C5: variants seen among roughly 807,000 people sequenced by gnomAD.
C5 encodes C3 and PZP-like alpha-2-macroglobulin domain-containing protein 4.
Under a neutral mutation model 218.8 loss-of-function variants are expected in C5, and 140 were observed. That is an observed-to-expected ratio of 0.64 (90% CI 0.56 to 0.74). C5 has a LOEUF of 0.74. C5 is among the 30% of genes least tolerant of loss of function. The pLI is 0.00. For synonymous variants in C5, 614 were observed against 682.3 expected (o/e 0.90, Z 1.56); for missense variants, 1,700 against 1,969.6 (o/e 0.86, Z 2.59).
Position 120,980,105 on chromosome 9 carries a change from C to T in C5, c.3636G>A (p.Leu1212=). The part of the protein sequence containing the change: ...HPQFRSIVSA[L]KREALVKGNP... Reference sequence around the variant, plus strand: ...TACCTTTAACCAAAGCTTCTCTCTTCAAAGCTGAAACAATTGAACGAAACT... The same window carrying T: ...TACCTTTAACCAAAGCTTCTCTCTTTAAAGCTGAAACAATTGAACGAAACT... Residue 1212 remains leucine (L), a synonymous_variant, in exon 28 of 41, where the codon TTG becomes TTA. Coordinates refer to ENST00000223642, the MANE Select transcript of C5 (RefSeq NM_001735.3). The T allele has an allele frequency of 6.2e-7, 1 of 1,614,138 alleles. No individual in the cohort carries two copies. The highest frequency in any genetic ancestry group is 8.5e-7 in the Non-Finnish European group (1 of 1,180,030).
intron 21 of C5, 71 bp from the exon 22 acceptor site, chr9:120,996,371 T>C: frequency 7.6e-7 from 1 of 1,322,698 alleles, no homozygotes; most frequent in Non-Finnish European, 1.1e-6. Flanking sequence ...GGATCAACTT[T>C]TCTGGACCAC....
At chr9:121,066,732 C>G in the C5 span, among the ~76,000 whole-genome samples, 19,038 of 151,530 alleles carry the variant, frequency 0.13, 1,630 homozygotes, top group African/African-American at 0.24. Flanking sequence ...TGCCTGTAAT[C>G]CCAGCTACTC....
At chr9:121,026,914 G>A (rs927947391) in intron 8 of C5, among the ~76,000 whole-genome samples, 1 of 152,156 alleles carries the variant, frequency 6.6e-6, no homozygotes, top group African/African-American at 2.4e-5. Context: ...ACTTTGGTCA[G>A]TTAGAGAAAT....
intron 28 of C5, chr9:120,979,800 G>A (rs757443829): frequency 7.8e-6 from 3 of 386,716 alleles, no homozygotes; most frequent in Non-Finnish European, 1.5e-5. Context: ...GATCACTTGA[G>A]CCCAGGAGAT....
intron 39 of C5, 37 bp from the exon 40 acceptor site, chr9:120,953,905 C>T (rs760598452): frequency 6.2e-7 from 1 of 1,610,242 alleles, no homozygotes; most frequent in East Asian, 2.2e-5. Context: ...TTATACCATT[C>T]ATGTTTTAAT....
At chr9:121,023,110 T>C (rs1030305929) in intron 10 of C5, among the ~76,000 whole-genome samples, 1 of 152,242 alleles carries the variant, frequency 6.6e-6, no homozygotes, top group East Asian at 1.9e-4. Context: ...TAGAGTCTTA[T>C]GAGATTTTAT....
intron 22 of C5, among the ~76,000 whole-genome samples, chr9:120,993,870 T>C (rs1369766565): frequency 6.6e-6 from 1 of 152,196 alleles, no homozygotes; most frequent in East Asian, 1.9e-4. Flanking sequence ...CAAACACATT[T>C]GAGTGGGTAC....
At chr9:121,004,615 A>G (rs1319941238) in intron 20 of C5, among the ~76,000 whole-genome samples, 2 of 152,186 alleles carry the variant, frequency 1.3e-5, no homozygotes, top group Non-Finnish European at 2.9e-5. Flanking sequence ...TCTACTAAAA[A>G]TACAAAAATT....
intron 4 of C5, among the ~76,000 whole-genome samples, chr9:121,037,463 G>C (rs1294670649): frequency 6.6e-6 from 1 of 151,862 alleles, no homozygotes; most frequent in Non-Finnish European, 1.5e-5. Flanking sequence ...ACAGGCGCCT[G>C]CCACTGCACC....
intron 5 of C5, among the ~76,000 whole-genome samples, chr9:121,034,433 C>G (rs996992952): frequency 6.6e-6 from 1 of 152,096 alleles, no homozygotes; most frequent in African/African-American, 2.4e-5. Context: ...GGTAGTTTAT[C>G]CAGGCAAAAA....
chr9:120,971,869 T>G, intron 31 of C5, 61 bp downstream of exon 31: 1 of 1,329,300 alleles, frequency 7.5e-7, no homozygotes, highest in Non-Finnish European at 1.1e-6. Context: ...GCTCCTAACT[T>G]TTATGTTACC....
chr9:121,049,065 TG>T (rs2047652253), intron 1 of C5, among the ~76,000 whole-genome samples: 1 of 152,354 alleles, frequency 6.6e-6, no homozygotes, highest in Admixed American at 6.5e-5. Flanking sequence ...TCTTACCGTT[TG>T]CTATATCTGC....
intron 16 of C5, 27 bp from the exon 17 acceptor site, chr9:121,014,097 T>C (rs1182932231): frequency 6.3e-7 from 1 of 1,590,536 alleles, no homozygotes; most frequent in South Asian, 1.1e-5. Flanking sequence ...GCAAGTGCTC[T>C]TGATGACGCA....
In C5 at chr9:120,996,292, AC is replaced by A; in HGVS notation, c.2798del (p.Gly933ValfsTer33). ...CACCAGAATAGCTTTCCCTTTTGACACCTTCTGGCTAAAATAAAGGCAGAAA... is the reference window on the plus strand; with the variant it reads ...CACCAGAATAGCTTTCCCTTTTGACACTTCTGGCTAAAATAAAGGCAGAAA... ...LVKTLRVVPEGVKRESYSGVT... is the reference protein window; with the variant it reads ...LVKTLRVVPEXVKRESYSGVT... On this transcript the variant is annotated frameshift_variant, in exon 22 of 41. Transcript: ENST00000223642. LOFTEE classifies it high-confidence loss of function. 1 of 1,612,284 alleles carries A rather than the reference AC, an allele frequency of 6.2e-7. No individual in the cohort carries two copies. Among genetic ancestry groups the A allele is most frequent in the Non-Finnish European group, 8.5e-7 (1 of 1,178,406 alleles).
At chr9:120,994,020 C>T (rs934093019) in intron 22 of C5, among the ~76,000 whole-genome samples, 1 of 151,928 alleles carries the variant, frequency 6.6e-6, no homozygotes, top group Non-Finnish European at 1.5e-5. Flanking sequence ...AGATATGAGA[C>T]GAGTTGGGAG....
chr9:121,023,613 T>C, intron 9 of C5, 94 bp from the exon 10 acceptor site: 2 of 777,650 alleles, frequency 2.6e-6, no homozygotes, highest in Non-Finnish European at 4.7e-6. Context: ...CACAGACTTA[T>C]TCATTCACTC....
chr9:121,055,747 T>C, the C5 span, among the ~76,000 whole-genome samples: 1 of 152,104 alleles, frequency 6.6e-6, no homozygotes, highest in African/African-American at 2.4e-5. Flanking sequence ...AACCAGGCAG[T>C]AGTGGCTGCA....
At chr9:121,068,713 AAC>A in the C5 span, among the ~76,000 whole-genome samples, 1 of 152,218 alleles carries the variant, frequency 6.6e-6, no homozygotes, top group South Asian at 2.1e-4. Context: ...GCATCACACT[AAC>A]AGTCTTCAAA....
rs888576739 is a variant in C5 at position 121,003,969 on chromosome 9, C to T, written c.2562+1950G>A. On this transcript the variant is annotated intron_variant, in intron 20 of 40. Transcript: ENST00000223642. The stretch of plus-strand genomic sequence containing the variant: ...CTGCAAGCTCCGCCTCCCGGGTTCA[C>T]GCCATTCTCCGGCCTCTGTCTCCCG... Among the ~76,000 whole-genome samples the T allele has an allele frequency of 3.3e-5, 5 of 152,102 alleles. 1 individual carries two copies. The South Asian group carries it at 1.0e-3, about 32-fold the overall frequency.
Sources: allele counts gnomAD v4.1 joint callset (sites outside exome capture counted in the v4.1 genomes callset), GRCh38; gene constraint gnomAD v4.1.1; transcripts MANE v1.5; gene names NCBI Gene and HGNC (gene_info 2026-07-23, HGNC 2026-07-21).